Variants in EPHX3 observed in about 807,000 individuals in gnomAD.
EPHX3 encodes the protein abhydrolase domain containing 9.
In EPHX3, 39 loss-of-function variants were observed where a neutral mutation model predicts 40.2. The observed-to-expected ratio is 0.97, with a 90% CI of 0.75 to 1.27. EPHX3 has a LOEUF of 1.27. Ranked by LOEUF, EPHX3 falls within the 50% of genes most tolerant of loss-of-function variation. The probability of loss-of-function intolerance (pLI) is 0.00; values close to 1 mark genes in which losing one functional copy is unlikely to be tolerated. For synonymous variants in EPHX3, 213 were observed against 209.7 expected, an observed-to-expected ratio of 1.02 and a Z score of -0.14; for missense variants, 442 against 474.0, an observed-to-expected ratio of 0.93 and a Z score of 0.63.
rs753002623 is a variant in EPHX3 at position 15,232,020 on chromosome 19, G to A, written c.192C>T (p.Pro64=). ...GCCGRRRSAS[P]ACLSDPSLGE... ...CCAGCGAGGGGTCGCTCAGGCAGGC[G>A]GGGGACGCGCTCCGACGGCGCCCGC... The change falls in exon 1 of 7, where the codon CCC becomes CCT. Residue 64 remains proline, a synonymous_variant. Transcript: ENST00000221730. 13 of 1,599,014 alleles carry A rather than the reference G, an allele frequency of 8.1e-6. 1 individual carries two copies. In the South Asian group the frequency reaches 1.3e-4, roughly 16 times the overall value.
At position 15,227,589 on chromosome 19, in the gene EPHX3, C is replaced by G. The variant is rs745738588; in HGVS notation, c.931G>C (p.Glu311Gln). Residue 311 changes from glutamate to glutamine, a missense_variant, in exon 7 of 7, where the codon GAG (glutamate) becomes CAG (glutamine). Transcript: ENST00000221730. ...LLWGEKDTYL[E>Q]LGLVEAIGSR... is the part of the protein sequence containing the mutation. ...CCGATGGCTTCCACCAGCCCCAGCTCCAAGTAAGTGTCCTTCTCCCCCCAC... is the reference window on the plus strand; with the variant it reads ...CCGATGGCTTCCACCAGCCCCAGCTGCAAGTAAGTGTCCTTCTCCCCCCAC... The G allele has an allele frequency of 2.5e-6, 4 of 1,614,006 alleles. No homozygotes were observed. Among genetic ancestry groups the G allele is most frequent in the East Asian group, 4.5e-5 (2 of 44,882 alleles).
chr19:15,229,892 A>C (rs1421594514), intron 4 of EPHX3, among the ~76,000 whole-genome samples: 1 of 132,436 alleles, frequency 7.6e-6, no homozygotes, highest in Non-Finnish European at 1.6e-5. Context: ...TCTCAAAAAA[A>C]AAAAAAAAAA....
Position 15,228,741 on chromosome 19 carries a change from G to A in EPHX3, c.617-641C>T, listed in dbSNP as rs369611187. Among the ~76,000 whole-genome samples, 8 of 151,602 alleles carry A rather than the reference G, an allele frequency of 5.3e-5. No homozygotes were observed. In the East Asian group the frequency reaches 7.8e-4, roughly 15 times the overall value. On this transcript the variant is annotated intron_variant, in intron 4 of 6. Coordinates refer to ENST00000221730, the MANE Select transcript of EPHX3 (RefSeq NM_024794.3). ...TCACAGTGTTAGCCAGGATGGTCTCGATCTCCGGACCTCATGATCCACCCG... is the reference window on the plus strand; with the variant it reads ...TCACAGTGTTAGCCAGGATGGTCTCAATCTCCGGACCTCATGATCCACCCG...
chr19:15,227,592 A>G lies in EPHX3; in HGVS notation c.928T>C (p.Leu310=), dbSNP rs369851413. The change falls in exon 7 of 7, where the codon TTG becomes CTG. Residue 310 remains leucine (L), a synonymous_variant. Transcript: ENST00000221730. ...LLLWGEKDTY[L]ELGLVEAIGS... Reference sequence around the variant, plus strand: ...ATGGCTTCCACCAGCCCCAGCTCCAAGTAAGTGTCCTTCTCCCCCCACAGC... The same window carrying G: ...ATGGCTTCCACCAGCCCCAGCTCCAGGTAAGTGTCCTTCTCCCCCCACAGC... 13 of 1,614,064 alleles carry G rather than the reference A, an allele frequency of 8.1e-6. No homozygotes were observed. Among genetic ancestry groups the G allele is most frequent in the Non-Finnish European group, 1.1e-5 (13 of 1,180,018 alleles).
Position 15,227,466 on chromosome 19 carries a change from A to G in EPHX3, c.1054T>C (p.Trp352Arg), listed in dbSNP as rs774304199. 2 of 1,614,138 alleles carry G rather than the reference A, an allele frequency of 1.2e-6. No homozygotes were observed. The highest frequency in any genetic ancestry group is 2.2e-5 in the South Asian group (2 of 91,086). The change falls in exon 7 of 7, where the codon TGG becomes CGG. Residue 352 changes from tryptophan (W) to arginine (R), a missense_variant. Trp to Arg is a moderately radical substitution (Grantham distance 101). Transcript: ENST00000221730. ...SNPQEMHQYM[W>R]AFLQDLLD The stretch of plus-strand genomic sequence containing the variant: ...TCCAGCAGGTCTTGCAAGAAGGCCC[A>G]CATGTACTGGTGCATCTCCTGGGGG...
upstream of EPHX3, among the ~76,000 whole-genome samples, chr19:15,234,312 C>G (rs1599423989): frequency 6.6e-6 from 1 of 152,134 alleles, no homozygotes; most frequent in Non-Finnish European, 1.5e-5. Context: ...TGTGGCTACA[C>G]CTCCCCTTCC....
chr19:15,228,558 G>A (rs1334836388), intron 4 of EPHX3, among the ~76,000 whole-genome samples: 10 of 129,294 alleles, frequency 7.7e-5, no homozygotes, highest in Admixed American at 1.8e-4. Context: ...TCGCTCTGTC[G>A]CCCAGGCTGG....
At chr19:15,231,895 C>CTTCAGG in intron 1 of EPHX3, 34 bp from the exon 2 acceptor site, 1 of 1,612,942 alleles carries the variant, frequency 6.2e-7, no homozygotes, top group Non-Finnish European at 8.5e-7. Context: ...GCCTGGGGAA[C>CTTCAGG]CCTCTCTCCC....
chr19:15,236,015 G>A (rs906235205), upstream of EPHX3: 2 of 152,240 alleles, frequency 1.3e-5, no homozygotes, highest in East Asian at 3.9e-4. Flanking sequence ...CACTTGAAGT[G>A]GCACAGTGGT....
chr19:15,232,703 C>T (rs1403952746), upstream of EPHX3, among the ~76,000 whole-genome samples: 1 of 152,056 alleles, frequency 6.6e-6, no homozygotes, highest in African/African-American at 2.4e-5. Flanking sequence ...GTGGTGAAAC[C>T]CCGTCTCTAC....
At position 15,227,602 on chromosome 19, in the gene EPHX3, C is replaced by T. The variant is rs768534230; in HGVS notation, c.918G>A (p.Lys306=). 3.7e-6 allele frequency: 6 copies of T among 1,614,122 alleles called. No homozygotes were observed. The highest frequency in any genetic ancestry group is 5.1e-6 in the Non-Finnish European group (6 of 1,180,036). Residue 306 remains lysine, a synonymous_variant, in exon 7 of 7, where the codon AAG becomes AAA. Coordinates refer to ENST00000221730, the MANE Select transcript of EPHX3 (RefSeq NM_024794.3). ...TTPTLLLWGE[K]DTYLELGLVE... is the part of the protein sequence containing the mutation. Reference sequence around the variant, plus strand: ...CCAGCCCCAGCTCCAAGTAAGTGTCCTTCTCCCCCCACAGCAGCAATGTGG... The same window carrying T: ...CCAGCCCCAGCTCCAAGTAAGTGTCTTTCTCCCCCCACAGCAGCAATGTGG...
At chr19:15,231,746 T>C (rs1233986199) in intron 2 of EPHX3, 30 bp downstream of exon 2, 2 of 1,609,172 alleles carry the variant, frequency 1.2e-6, no homozygotes, top group Non-Finnish European at 1.7e-6. Context: ...CCGAGTCCCG[T>C]GGGCCTCAGG....
chr19:15,228,100 T>C lies in EPHX3; in HGVS notation c.617A>G (p.Asp206Gly), dbSNP rs1769397495. The change falls in exon 5 of 7, where the codon GAC becomes GGC. Residue 206 changes from aspartate to glycine, a missense_variant and splice_region_variant. Transcript: ENST00000221730. ...CTGGCTGATGTGGTGCAGGGAATAG[T>C]CTGGGGTGGGAGGGTTGGGGGAGAG... ...VSGAPMSVYQ[D>G]YSLHHISQFF... 1 of 873,958 alleles carries C rather than the reference T, an allele frequency of 1.1e-6. No homozygotes were observed. Among genetic ancestry groups the C allele is most frequent in the Non-Finnish European group, 1.8e-6 (1 of 558,134 alleles). The allele number at this position is 873,958 out of a possible 1,614,324, so 54.1% of individuals were successfully genotyped here.
In EPHX3 at chr19:15,231,321, G is replaced by T. The variant is rs780966501; in HGVS notation, c.405C>A (p.Gly135=). The part of the protein sequence containing the change: ...HVVAVDLRGY[G]PSDAPRDVDC... ...CCACATCCCGAGGTGCATCCGAGGG[G>T]CCATAGCCTCGCAAGTCCACAGCCA... Residue 135 remains glycine, a synonymous_variant, in exon 3 of 7, where the codon GGC becomes GGA. Coordinates refer to ENST00000221730, the MANE Select transcript of EPHX3 (RefSeq NM_024794.3). 1 of 1,613,940 alleles carries T rather than the reference G, an allele frequency of 6.2e-7. No individual in the cohort carries two copies. Among genetic ancestry groups the T allele is most frequent in the Non-Finnish European group, 8.5e-7 (1 of 1,180,010 alleles).
rs1015394712 is a variant in EPHX3, at chr19:15,231,871, G to C, written c.244-10C>G. The C allele has an allele frequency of 1.2e-6, 2 of 1,613,518 alleles. No individual in the cohort carries two copies. The highest frequency in any genetic ancestry group is 1.7e-6 in the Non-Finnish European group (2 of 1,179,996). On this transcript the variant is annotated splice_polypyrimidine_tract_variant and intron_variant, in intron 1 of 6. Transcript: ENST00000221730. ...GACGCAGGCCCGAGCTCTAGGGGGA[G>C]GGCACAGCCTGAAGCCTGGGGAACC...
Position 15,227,627 on chromosome 19 carries a change from G to T in EPHX3, c.893C>A (p.Pro298His). The T allele has an allele frequency of 6.2e-7, 1 of 1,614,076 alleles. No homozygotes were observed. The highest frequency in any genetic ancestry group is 8.5e-7 in the Non-Finnish European group (1 of 1,180,034). The change falls in exon 7 of 7, where the codon CCC becomes CAC. Residue 298 changes from proline to histidine, a missense_variant. Physicochemically the swap from Pro to His is moderately conservative, Grantham distance 77. Coordinates refer to ENST00000221730, the MANE Select transcript of EPHX3 (RefSeq NM_024794.3). ...CTTCTCCCCCCACAGCAGCAATGTGGGTGTGGTCAGCTCCTGGGGTTCCAG... is the reference window on the plus strand; with the variant it reads ...CTTCTCCCCCCACAGCAGCAATGTGTGTGTGGTCAGCTCCTGGGGTTCCAG... ...FPLEPQELTT[P>H]TLLLWGEKDT...
chr19:15,230,324 A>G, intron 4 of EPHX3, among the ~76,000 whole-genome samples: 1 of 151,602 alleles, frequency 6.6e-6, no homozygotes, highest in East Asian at 1.9e-4. Flanking sequence ...GTGCACTACC[A>G]TGCCTGGCTG....
Position 15,230,972 on chromosome 19 carries a change from C to T in EPHX3, c.606G>A (p.Ser202=), listed in dbSNP as rs1384679089. The change falls in exon 4 of 7, where the codon TCG becomes TCA. Residue 202 remains serine (S), a synonymous_variant. Coordinates refer to ENST00000221730, the MANE Select transcript of EPHX3 (RefSeq NM_024794.3). ...GACTCCCACACACACCTTGGTACAC[C>T]GACATGGGGGCACCACTGACCACAA... ...RMVVVSGAPM[S]VYQDYSLHHI... is the part of the protein sequence containing the mutation. 10 of 1,613,938 alleles carry T rather than the reference C, an allele frequency of 6.2e-6. No individual in the cohort carries two copies. The highest frequency in any genetic ancestry group is 3.3e-5 in the South Asian group (3 of 91,062).
chr19:15,231,228 T>C lies in EPHX3; in HGVS notation c.487+11A>G, dbSNP rs1423483955. 1.2e-6 allele frequency: 2 copies of C among 1,613,564 alleles called. No homozygotes were observed. The highest frequency in any genetic ancestry group is 4.5e-5 in the East Asian group (2 of 44,872). On this transcript the variant is annotated intron_variant, in intron 3 of 6. Transcript: ENST00000221730. The stretch of plus-strand genomic sequence containing the variant: ...AGGGAGGCCACGCCTAGGATGGGGG[T>C]ATGTCTGCACCCAGGCCTAGGATGA...
Sources: allele counts gnomAD v4.1 joint callset (sites outside exome capture counted in the v4.1 genomes callset), GRCh38; gene constraint gnomAD v4.1.1; transcripts MANE v1.5; gene names NCBI Gene and HGNC (gene_info 2026-07-23, HGNC 2026-07-21).